The following LRP4 variants were observed in gnomAD, a reference collection of about 807,000 sequenced individuals.
LRP4 encodes low-density lipoprotein receptor-related protein 4.
Under a neutral mutation model 220.3 loss-of-function variants are expected in LRP4, and 95 were observed. The observed-to-expected ratio is 0.43, with a 90% CI of 0.37 to 0.51. LRP4 has a LOEUF of 0.51. Ranked by LOEUF, LRP4 falls within the 20% of genes least tolerant of loss-of-function variation. LRP4 has a pLI of 0.00. For synonymous variants in LRP4, 903 were observed against 954.6 expected, an observed-to-expected ratio of 0.95 and a Z score of 1.00; for missense variants, 1,925 against 2,567.0, an observed-to-expected ratio of 0.75 and a Z score of 5.40.
intron 20 of LRP4, 119 bp downstream of exon 20, chr11:46,881,583 C>T (rs1941160924): frequency 1.0e-5 from 10 of 976,888 alleles, no homozygotes; most frequent in South Asian, 6.5e-5. Flanking sequence ...GGTCCCATAA[C>T]CTCCAGATCC....
At chr11:46,904,588 G>A (rs1441619130) in intron 1 of LRP4, among the ~76,000 whole-genome samples, 1 of 152,086 alleles carries the variant, frequency 6.6e-6, no homozygotes, top group Admixed American at 6.6e-5. Context: ...ACGTTTCTGG[G>A]GTAAGGGATC....
Position 46,896,852 on chromosome 11 carries a change from AC to A in LRP4, c.922+16del. On this transcript the variant is annotated intron_variant, in intron 8 of 37. Coordinates refer to ENST00000378623, the MANE Select transcript of LRP4 (RefSeq NM_002334.4). ...AACTATAGGCTAAGGGTTCTGGGGCACCCCGGGAGACACCACCTGTATTCTC... is the reference window on the plus strand; with the variant it reads ...AACTATAGGCTAAGGGTTCTGGGGCACCCGGGAGACACCACCTGTATTCTC... 6.2e-7 allele frequency: 1 copy of A among 1,613,920 alleles called. No homozygotes were observed. The highest frequency in any genetic ancestry group is 1.1e-5 in the South Asian group (1 of 91,076).
chr11:46,894,871 G>A, intron 11 of LRP4, 52 bp from the exon 12 acceptor site: 1 of 1,488,074 alleles, frequency 6.7e-7, no homozygotes, highest in Non-Finnish European at 9.4e-7. Context: ...AGCCGCCCCT[G>A]GTACCCATCA....
intron 1 of LRP4, among the ~76,000 whole-genome samples, chr11:46,906,754 C>G (rs1419696258): frequency 6.6e-6 from 1 of 152,100 alleles, no homozygotes; most frequent in Non-Finnish European, 1.5e-5. Flanking sequence ...CCGCCTTTGG[C>G]TGAGTGATAA....
Position 46,890,538 on chromosome 11 carries a change from G to T in LRP4, c.1698-44C>A. 1 of 1,368,816 alleles carries T rather than the reference G, an allele frequency of 7.3e-7. No individual in the cohort carries two copies. Among genetic ancestry groups the T allele is most frequent in the Non-Finnish European group, 1.0e-6 (1 of 963,392 alleles). The allele number at this position is 1,368,816 out of a possible 1,614,324, so 84.8% of individuals were successfully genotyped here. The stretch of plus-strand genomic sequence containing the variant: ...ATTGGGAAGTGGGCAGCAGAAAACA[G>T]GTAGGTAACCAGGAGAATAATCAGG... On this transcript the variant is annotated intron_variant, in intron 13 of 37. Transcript: ENST00000378623. The surrounding 1 kb of genome is among the most constrained non-coding windows in gnomAD (Gnocchi z 5.3).
intron 15 of LRP4, 175 bp downstream of exon 15, chr11:46,889,769 C>G (rs1941380795): frequency 5.9e-6 from 5 of 850,718 alleles, no homozygotes; most frequent in Non-Finnish European, 7.5e-6. Flanking sequence ...TTTCGTGAAT[C>G]TTGTTGTACT....
intron 1 of LRP4, among the ~76,000 whole-genome samples, chr11:46,906,682 A>C (rs1941765265): frequency 6.6e-6 from 1 of 152,174 alleles, no homozygotes; most frequent in Non-Finnish European, 1.5e-5. Flanking sequence ...CTGCGTGCAA[A>C]TGAAAAGTCA....
At chr11:46,891,428 TACACACACACACACACAC>T (rs57116396) in intron 13 of LRP4, among the ~76,000 whole-genome samples, 12 of 147,086 alleles carry the variant, frequency 8.2e-5, no homozygotes, top group Non-Finnish European at 1.0e-4. Context: ...TTGTATTTTA[TACACACACACACACACAC>T]ACACACACAC....
intron 1 of LRP4, among the ~76,000 whole-genome samples, chr11:46,910,617 G>A (rs1941843111): frequency 6.6e-6 from 1 of 150,514 alleles, no homozygotes; most frequent in East Asian, 2.0e-4. Flanking sequence ...TAACTGCAGA[G>A]TCTTGCTTTA....
At chr11:46,867,666 G>A (rs1347152966) in intron 34 of LRP4, among the ~76,000 whole-genome samples, 2 of 152,158 alleles carry the variant, frequency 1.3e-5, no homozygotes, top group Non-Finnish European at 2.9e-5. Flanking sequence ...TCTCCATGTT[G>A]GGCAGGCTGG....
rs774343834 is a variant in LRP4, at chr11:46,898,586, A to G, written c.768T>C (p.Cys256=). Residue 256 remains cysteine (C), a synonymous_variant, in exon 7 of 38, where the codon TGT becomes TGC. Transcript: ENST00000378623. ...AGTTGCGCTCATCAGACTGGTCATC[A>G]CAGTCCGCGTCACCATCGCAGCGCC... ...AGWRCDGDAD[C]DDQSDERNCT... is the part of the protein sequence containing the mutation. 5 of 1,614,046 alleles carry G rather than the reference A, an allele frequency of 3.1e-6. No homozygotes were observed. In the African/African-American group the frequency reaches 6.7e-5, roughly 22 times the overall value.
rs1024697337 is a variant in LRP4 at position 46,868,840 on chromosome 11, C to T, written c.4838-127G>A. On this transcript the variant is annotated intron_variant, in intron 32 of 37. Transcript: ENST00000378623. Reference sequence around the variant, plus strand: ...GGACAGGGGAGGAGGAGAGATACAACCGCGAGGGAGTAAAAAGTTCTAAGC... The same window carrying T: ...GGACAGGGGAGGAGGAGAGATACAATCGCGAGGGAGTAAAAAGTTCTAAGC... 1.2e-5 allele frequency: 15 copies of T among 1,275,996 alleles called. No individual in the cohort carries two copies. The East Asian group carries it at 3.0e-4, about 26-fold the overall frequency. The allele number at this position is 1,275,996 out of a possible 1,614,324, so 79.0% of individuals were successfully genotyped here.
At position 46,892,936 on chromosome 11, in the gene LRP4, G is replaced by C. The variant is rs746659281; in HGVS notation, c.1697+37C>G. Reference sequence around the variant, plus strand: ...GGTAGCCTGGGAGCTGTCCCGAGAGGTTGCAAGAAAGTTCGGGAGCCTGAG... The same window carrying C: ...GGTAGCCTGGGAGCTGTCCCGAGAGCTTGCAAGAAAGTTCGGGAGCCTGAG... On this transcript the variant is annotated intron_variant, in intron 13 of 37. Transcript: ENST00000378623. The C allele has an allele frequency of 1.9e-5, 30 of 1,609,398 alleles. No individual in the cohort carries two copies. The African/African-American group carries it at 3.7e-4, about 20-fold the overall frequency.
intron 12 of LRP4, among the ~76,000 whole-genome samples, 175 bp downstream of exon 12, chr11:46,894,414 C>G (rs778617816): frequency 6.6e-6 from 1 of 152,186 alleles, no homozygotes; most frequent in Non-Finnish European, 1.5e-5. Flanking sequence ...ATATTTGAAC[C>G]TATAAAATTG....
chr11:46,864,683 T>C (rs1723882607), intron 35 of LRP4, 148 bp from the exon 36 acceptor site: 11 of 687,902 alleles, frequency 1.6e-5, no homozygotes, highest in Non-Finnish European at 2.6e-5. Context: ...TTCAGATAGG[T>C]AAATGGGAGG....
At chr11:46,859,360 A>G in intron 37 of LRP4, 45 bp from the exon 38 acceptor site, 1 of 1,415,168 alleles carries the variant, frequency 7.1e-7, no homozygotes, top group Non-Finnish European at 1.0e-6. Flanking sequence ...TTGGCCTTCT[A>G]CAAAGGATCC....
chr11:46,918,267 G>A lies in LRP4; in HGVS notation c.52+61C>T, dbSNP rs2134897929. 2.7e-6 allele frequency: 4 copies of A among 1,486,106 alleles called. No individual in the cohort carries two copies. Among genetic ancestry groups the A allele is most frequent in the East Asian group, 5.3e-5 (2 of 37,808 alleles). The allele number at this position is 1,486,106 out of a possible 1,614,324, so 92.1% of individuals were successfully genotyped here. On this transcript the variant is annotated intron_variant, in intron 1 of 37. Coordinates refer to ENST00000378623, the MANE Select transcript of LRP4 (RefSeq NM_002334.4). This position sits in a 1 kb window ranked among gnomAD's most constrained non-coding sequence, Gnocchi z 6.0. ...CCCCGGCCCGCGCCGTCCAGGTCCCGGGAGGCGAGTCCTGCAGCGGCCGGA... is the reference window on the plus strand; with the variant it reads ...CCCCGGCCCGCGCCGTCCAGGTCCCAGGAGGCGAGTCCTGCAGCGGCCGGA...
At chr11:46,892,532 G>A (rs962732316) in intron 13 of LRP4, among the ~76,000 whole-genome samples, 9 of 150,846 alleles carry the variant, frequency 6.0e-5, no homozygotes, top group African/African-American at 2.0e-4. Context: ...CTAGACTCAA[G>A]TGTGTGGGGG....
intron 18 of LRP4, among the ~76,000 whole-genome samples, chr11:46,885,729 G>A (rs898665105): frequency 7.5e-5 from 10 of 134,108 alleles, no homozygotes; most frequent in Admixed American, 4.4e-4. Flanking sequence ...AGCCGAGATC[G>A]CACCACTGCA....
Sources: gnomAD v4.1 joint callset for allele counts (sites outside exome capture counted in the v4.1 genomes callset) on GRCh38, gnomAD v4.1.1 for gene constraint, Gnocchi (gnomAD v3.1) non-coding constraint, MANE v1.5 for transcripts, NCBI Gene and HGNC (gene_info 2026-07-23, HGNC 2026-07-21) for gene names.